The following PLEKHA1 variants were observed in gnomAD, a reference collection of about 807,000 sequenced individuals.
PLEKHA1 encodes pleckstrin homology domain-containing family A member 1.
A neutral mutation model predicts 52.0 loss-of-function variants in PLEKHA1; 34 were observed. That is an observed-to-expected ratio of 0.65 (90% CI 0.50 to 0.87). PLEKHA1 has a LOEUF of 0.87. Among genes scored for constraint, PLEKHA1 ranks in the 40% least tolerant of loss-of-function variants. The probability of loss-of-function intolerance (pLI) is 0.00; values close to 1 mark genes in which losing one functional copy is unlikely to be tolerated. For synonymous variants in PLEKHA1, 163 were observed against 170.7 expected (o/e 0.95, Z 0.35); for missense variants, 497 against 504.2 (o/e 0.99, Z 0.14).
At position 122,415,643 on chromosome 10, in the gene PLEKHA1, G is replaced by A. The variant is rs1032278443; in HGVS notation, c.469-216G>A. 2.0e-5 allele frequency among the ~76,000 whole-genome samples: 3 copies of A among 152,134 alleles called. No individual in the cohort carries two copies. In the East Asian group the frequency reaches 5.8e-4, roughly 29 times the overall value. The stretch of plus-strand genomic sequence containing the variant: ...ACTCCTTCCCCAAAAAAGAGCACTG[G>A]TGGCAGGACTTGTGCAAAACAAGAG... On this transcript the variant is annotated intron_variant, in intron 6 of 11. Transcript: ENST00000368990.
chr10:122,415,022 C>T (rs571917684), intron 6 of PLEKHA1, among the ~76,000 whole-genome samples: 5 of 152,002 alleles, frequency 3.3e-5, no homozygotes, highest in African/African-American at 9.6e-5. Context: ...TTGATAGCAG[C>T]TTTTTTCCTA....
intron 2 of PLEKHA1, among the ~76,000 whole-genome samples, chr10:122,397,191 C>T (rs887574198): frequency 3.9e-5 from 6 of 152,042 alleles, no homozygotes; most frequent in African/African-American, 1.4e-4. Flanking sequence ...ATATTCTCCC[C>T]TGCTTTTTGT....
At chr10:122,399,646 G>A (rs551683568) in intron 3 of PLEKHA1, among the ~76,000 whole-genome samples, 5 of 152,108 alleles carry the variant, frequency 3.3e-5, no homozygotes, top group Non-Finnish European at 7.4e-5. Context: ...GCAGTGGCGC[G>A]ATCTCGGCTC....
downstream of PLEKHA1, chr10:122,437,013 T>TTTTTTTTTTTTTG (rs2097440678): frequency 6.7e-6 from 1 of 149,310 alleles, no homozygotes. Context: ...TTTTTTTTTT[T>TTTTTTTTTTTTTG]GCCTGTCTTT....
intron 11 of PLEKHA1, among the ~76,000 whole-genome samples, chr10:122,429,207 T>C: frequency 6.6e-6 from 1 of 152,184 alleles, no homozygotes. Flanking sequence ...CATTCTAAAA[T>C]ATGTGGGATA....
At chr10:122,383,331 T>C (rs1300875152) in intron 1 of PLEKHA1, among the ~76,000 whole-genome samples, 1 of 150,512 alleles carries the variant, frequency 6.6e-6, no homozygotes, top group Non-Finnish European at 1.5e-5. Context: ...TTTTTCTTTT[T>C]TTTTTTTAGA....
In PLEKHA1 at chr10:122,393,676, C is replaced by G. The variant is rs769335464; in HGVS notation, c.141+335C>G. Among the ~76,000 whole-genome samples, 4 of 152,052 alleles carry G rather than the reference C, an allele frequency of 2.6e-5. No individual in the cohort carries two copies. Among genetic ancestry groups the G allele is most frequent in the Non-Finnish European group, 4.4e-5 (3 of 68,002 alleles). ...GAAGCTGTCCCAAAAATAAGAAATA[C>G]TTTTTTTGTAACATGTATTTCAAAC... On this transcript the variant is annotated intron_variant, in intron 2 of 11. Transcript: ENST00000368990. The surrounding 1 kb of genome is among the most constrained non-coding windows in gnomAD (Gnocchi z 4.5).
intron 1 of PLEKHA1, chr10:122,387,935 C>G (rs2096723049): frequency 6.6e-6 from 1 of 152,158 alleles, no homozygotes; most frequent in African/African-American, 2.4e-5. Context: ...CTCTTTCAAA[C>G]TAAGAAGTAA....
At chr10:122,392,428 T>A (rs947554109) in intron 1 of PLEKHA1, 1 of 152,184 alleles carries the variant, frequency 6.6e-6, no homozygotes, top group South Asian at 2.1e-4. Context: ...TTGCTTTATG[T>A]TCACATGATA....
chr10:122,441,761 CAAAG>C, the PLEKHA1 span: 1 of 152,062 alleles, frequency 6.6e-6, no homozygotes, highest in African/African-American at 2.4e-5. Flanking sequence ...CATCAGGAAT[CAAAG>C]AAAGGTGGTT....
chr10:122,382,653 A>G (rs1366256573), intron 1 of PLEKHA1, among the ~76,000 whole-genome samples: 1 of 152,210 alleles, frequency 6.6e-6, no homozygotes, highest in South Asian at 2.1e-4. Flanking sequence ...TATTACTGTC[A>G]TATCTTCAGA....
chr10:122,422,829 C>G (rs1565312081), intron 8 of PLEKHA1: 1 of 152,148 alleles, frequency 6.6e-6, no homozygotes, highest in African/African-American at 2.4e-5. Flanking sequence ...AGAGCACATC[C>G]ATGTTTTAGG....
Position 122,431,509 on chromosome 10 carries a change from A to G in PLEKHA1, c.*1571A>G, listed in dbSNP as rs2097416815. 1.3e-5 allele frequency: 2 copies of G among 152,562 alleles called. No homozygotes were observed. Among genetic ancestry groups the G allele is most frequent in the African/African-American group, 4.8e-5 (2 of 41,428 alleles). 9.5% of individuals were successfully genotyped at this position (152,562 alleles called of 1,614,324 possible). A position where few individuals can be genotyped will look rare whatever the true frequency, so the allele number is the denominator to read the frequency against. Reference sequence around the variant, plus strand: ...CATGCTGCTATTTTTATATTTTGCCATTTTACAGTACTGTTTTGTTTTGAA... The same window carrying G: ...CATGCTGCTATTTTTATATTTTGCCGTTTTACAGTACTGTTTTGTTTTGAA... On this transcript the variant is annotated 3_prime_UTR_variant, in exon 12 of 12. Transcript: ENST00000368990.
At chr10:122,425,634 T>C (rs2097327599) in intron 10 of PLEKHA1, 1 of 146,312 alleles carries the variant, frequency 6.8e-6, no homozygotes, top group Non-Finnish European at 1.5e-5. Flanking sequence ...GGCACGAGAA[T>C]CGCTTGAACC....
intron 1 of PLEKHA1, among the ~76,000 whole-genome samples, chr10:122,377,182 T>C (rs1192209480): frequency 1.3e-5 from 2 of 152,188 alleles, no homozygotes; most frequent in Admixed American, 1.3e-4. Context: ...AAATAACTTA[T>C]TTGAGAATGG....
downstream of PLEKHA1, chr10:122,435,492 G>T (rs982167792): frequency 1.3e-5 from 2 of 152,116 alleles, no homozygotes; most frequent in African/African-American, 2.4e-5. Flanking sequence ...TGCCTCCATC[G>T]TAGAAAATTA....
Position 122,426,974 on chromosome 10 carries a change from T to C in PLEKHA1, c.843T>C (p.Ile281=). The C allele has an allele frequency of 6.2e-7, 1 of 1,614,104 alleles. No homozygotes were observed. The highest frequency in any genetic ancestry group is 2.2e-5 in the East Asian group (1 of 44,872). The change falls in exon 11 of 12, where the codon ATT becomes ATC. Residue 281 remains isoleucine, a synonymous_variant. Coordinates refer to ENST00000368990, the MANE Select transcript of PLEKHA1 (RefSeq NM_001001974.4). ...GCCCTGAAGAGATGCACAGTTGGAT[T>C]AAAGCAGTCTCTGGCGCCATTGTAG... ...ADSPEEMHSW[I]KAVSGAIVAQ... is the part of the protein sequence containing the mutation.
At chr10:122,385,474 G>A (rs1415874939) in intron 1 of PLEKHA1, among the ~76,000 whole-genome samples, 1 of 151,886 alleles carries the variant, frequency 6.6e-6, no homozygotes, top group East Asian at 1.9e-4. Flanking sequence ...GCACCACCAT[G>A]CCCGGCTAAT....
At chr10:122,417,333 A>C (rs2133235439) in intron 7 of PLEKHA1, among the ~76,000 whole-genome samples, 1 of 152,020 alleles carries the variant, frequency 6.6e-6, no homozygotes, top group Non-Finnish European at 1.5e-5. Flanking sequence ...GCTTTTAAAA[A>C]AAAAAAAAGT....
Sources: allele counts gnomAD v4.1 joint callset (sites outside exome capture counted in the v4.1 genomes callset), GRCh38; gene constraint gnomAD v4.1.1; non-coding constraint Gnocchi (gnomAD v3.1); transcripts MANE v1.5; gene names NCBI Gene and HGNC (gene_info 2026-07-23, HGNC 2026-07-21).